Variants in SUSD4 observed in about 807,000 individuals in gnomAD.
SUSD4 encodes sushi domain-containing protein 4.
Under a neutral mutation model 50.5 loss-of-function variants are expected in SUSD4, and 41 were observed. The observed-to-expected ratio is 0.81, with a 90% CI of 0.63 to 1.05. SUSD4 has a LOEUF of 1.05. Among genes scored for constraint, SUSD4 ranks in the 50% least tolerant of loss-of-function variants. SUSD4 has a pLI of 0.00. For missense variants in SUSD4, 580 were observed against 634.7 expected, an observed-to-expected ratio of 0.91 and a Z score of 0.93; for synonymous variants, 257 against 257.3, an observed-to-expected ratio of 1.00 and a Z score of 0.01.
At position 223,275,094 on chromosome 1, in the gene SUSD4, T is replaced by C. The variant is rs553532226; in HGVS notation, c.362-6419A>G. ...AAGAACAAGGACATCACTGCCTATG[T>C]AGCTGTCTTTCCCAGTTCATCTGGA... On this transcript the variant is annotated intron_variant, in intron 3 of 8. Transcript: ENST00000366878. Among the ~76,000 whole-genome samples, 8 of 152,352 alleles carry C rather than the reference T, an allele frequency of 5.3e-5. 1 individual carries two copies. In the East Asian group the frequency reaches 9.6e-4, roughly 18 times the overall value.
chr1:223,233,497 T>A (rs139912296), intron 5 of SUSD4, among the ~76,000 whole-genome samples: 5 of 152,280 alleles, frequency 3.3e-5, no homozygotes, highest in African/African-American at 1.2e-4. Flanking sequence ...TGAGTACTGC[T>A]ACTGTCTCCT....
intron 2 of SUSD4, among the ~76,000 whole-genome samples, chr1:223,300,360 C>T (rs1309786853): frequency 6.6e-6 from 1 of 152,128 alleles, no homozygotes; most frequent in Non-Finnish European, 1.5e-5. Context: ...TGAGAGTGCC[C>T]CTCTCTTCTC....
chr1:223,343,050 A>G (rs1016701952), intron 2 of SUSD4, among the ~76,000 whole-genome samples: 2 of 152,250 alleles, frequency 1.3e-5, no homozygotes, highest in Admixed American at 6.5e-5. Context: ...ATTCAAAACA[A>G]TAAACACAAA....
At chr1:223,314,739 G>A (rs547308091) in intron 2 of SUSD4, among the ~76,000 whole-genome samples, 1 of 152,290 alleles carries the variant, frequency 6.6e-6, no homozygotes, top group East Asian at 1.9e-4. Flanking sequence ...ACCACCATGT[G>A]AGACGTCCCT....
At chr1:223,330,319 T>C (rs931010707) in intron 2 of SUSD4, among the ~76,000 whole-genome samples, 1 of 152,210 alleles carries the variant, frequency 6.6e-6, no homozygotes, top group Admixed American at 6.5e-5. Context: ...ACAATCCACA[T>C]ATCACTGTTC....
intron 2 of SUSD4, among the ~76,000 whole-genome samples, chr1:223,329,870 A>G (rs1340163288): frequency 6.6e-6 from 1 of 152,214 alleles, no homozygotes; most frequent in Non-Finnish European, 1.5e-5. Flanking sequence ...GGACAGATGG[A>G]TGGATGGATG....
chr1:223,289,634 G>A (rs1471076349), intron 3 of SUSD4, among the ~76,000 whole-genome samples: 1 of 152,160 alleles, frequency 6.6e-6, no homozygotes, highest in Non-Finnish European at 1.5e-5. Context: ...ACAGTGACAA[G>A]CCCGGGGGCT....
chr1:223,349,882 T>C (rs186092742), intron 2 of SUSD4, among the ~76,000 whole-genome samples: 29 of 152,348 alleles, frequency 1.9e-4, no homozygotes, highest in African/African-American at 6.7e-4. Context: ...TCTAAATTCA[T>C]ACATTGAAGC....
At chr1:223,222,542 G>C (rs144484334) in intron 8 of SUSD4, among the ~76,000 whole-genome samples, 139 of 152,322 alleles carry the variant, frequency 9.1e-4, no homozygotes, top group African/African-American at 2.7e-3. Context: ...GTGGTTTGCA[G>C]AAAAGGAACA....
In SUSD4 at chr1:223,363,402, G is replaced by A; in HGVS notation, c.24C>T (p.Ser8=). ...GCTGCTCTAGAAATCCATCTCCATT[G>A]CTCGGGTTCATTCCATGATACATCT... is the stretch of plus-strand genomic sequence containing the variant. The part of the protein sequence containing the change: MYHGMNP[S]NGDGFLEQQQ... The change falls in exon 2 of 9, where the codon AGC becomes AGT. Residue 8 remains serine (S), a synonymous_variant. Coordinates refer to ENST00000366878, the MANE Select transcript of SUSD4 (RefSeq NM_017982.4). 7 of 1,570,010 alleles carry A rather than the reference G, an allele frequency of 4.5e-6. No homozygotes were observed. The highest frequency in any genetic ancestry group is 6.0e-6 in the Non-Finnish European group (7 of 1,157,064).
In SUSD4 at chr1:223,231,868, C is replaced by G. The variant is rs904659185; in HGVS notation, c.725-2480G>C. 6.6e-6 allele frequency among the ~76,000 whole-genome samples: 1 copy of G among 152,210 alleles called. No homozygotes were observed. The highest frequency in any genetic ancestry group is 2.1e-4 in the South Asian group (1 of 4,834). On this transcript the variant is annotated intron_variant, in intron 5 of 8. Transcript: ENST00000366878. This position sits in a 1 kb window ranked among gnomAD's most constrained non-coding sequence, Gnocchi z 4.2. ...CCAGCGCTGTTGTACGCTCAGGAGGCCGGCATCTTCTCTGGGACAGGAGCC... is the reference window on the plus strand; with the variant it reads ...CCAGCGCTGTTGTACGCTCAGGAGGGCGGCATCTTCTCTGGGACAGGAGCC...
chr1:223,270,319 T>C (rs1662821503), intron 3 of SUSD4, among the ~76,000 whole-genome samples: 1 of 152,146 alleles, frequency 6.6e-6, no homozygotes, highest in South Asian at 2.1e-4. Context: ...GCTTCTGACC[T>C]GCGCACACAC....
At chr1:223,298,594 T>C (rs1428682178) in intron 2 of SUSD4, among the ~76,000 whole-genome samples, 1 of 152,148 alleles carries the variant, frequency 6.6e-6, no homozygotes, top group Non-Finnish European at 1.5e-5. Context: ...GAAAGCTGAA[T>C]GATAGGTACA....
At chr1:223,345,207 G>A (rs1433415470) in intron 2 of SUSD4, among the ~76,000 whole-genome samples, 1 of 152,110 alleles carries the variant, frequency 6.6e-6, no homozygotes, top group African/African-American at 2.4e-5. Flanking sequence ...AACACGAGGT[G>A]GTCTTTCATT....
rs1667213928 is a variant in SUSD4, at chr1:223,332,205, ACC to A, written c.148+31071_148+31072del. On this transcript the variant is annotated intron_variant, in intron 2 of 8. Coordinates refer to ENST00000366878, the MANE Select transcript of SUSD4 (RefSeq NM_017982.4). This position sits in a 1 kb window ranked among gnomAD's most constrained non-coding sequence, Gnocchi z 4.0. ...GGAATGCTCTGTGTAGCCATAAAATACCTAAGATGTGGTTCATAAAATATTTG... is the reference window on the plus strand; with the variant it reads ...GGAATGCTCTGTGTAGCCATAAAATATAAGATGTGGTTCATAAAATATTTG... Among the ~76,000 whole-genome samples the A allele has an allele frequency of 2.6e-5, 4 of 152,202 alleles. No homozygotes were observed. In the South Asian group the frequency reaches 8.3e-4, roughly 32 times the overall value.
intron 5 of SUSD4, among the ~76,000 whole-genome samples, chr1:223,257,677 GCTACTT>G (rs1368239546): frequency 6.6e-6 from 1 of 152,202 alleles, no homozygotes; most frequent in Non-Finnish European, 1.5e-5. Flanking sequence ...TTTCCCATGT[GCTACTT>G]CAAATCCAAT....
At chr1:223,364,753 G>C (rs572230806), upstream of SUSD4, among the ~76,000 whole-genome samples, 3 of 151,942 alleles carry the variant, frequency 2.0e-5, no homozygotes, top group Non-Finnish European at 4.4e-5. This position sits in a 1 kb window ranked among gnomAD's most constrained non-coding sequence, Gnocchi z 4.5. Flanking sequence ...GTGCGCGGCC[G>C]GCAGCTCCCA....
At chr1:223,286,541 C>T (rs954959408) in intron 3 of SUSD4, among the ~76,000 whole-genome samples, 5 of 152,312 alleles carry the variant, frequency 3.3e-5, no homozygotes, top group South Asian at 2.1e-4. Flanking sequence ...CATGAGCCAC[C>T]GCAGCTGGCC....
At chr1:223,363,618 C>G in intron 1 of SUSD4, 158 bp from the exon 2 acceptor site, 1 of 807,432 alleles carries the variant, frequency 1.2e-6, no homozygotes, top group South Asian at 2.3e-5. Context: ...GGCGAGGTCC[C>G]CCGCCTTCCC....
Sources: gnomAD v4.1 joint callset for allele counts (sites outside exome capture counted in the v4.1 genomes callset) on GRCh38, gnomAD v4.1.1 for gene constraint, Gnocchi (gnomAD v3.1) non-coding constraint, MANE v1.5 for transcripts, NCBI Gene and HGNC (gene_info 2026-07-23, HGNC 2026-07-21) for gene names.